SYT9: variants seen among roughly 807,000 people sequenced by gnomAD.
The protein encoded by SYT9 is synaptotagmin-9.
Under a neutral mutation model 48.4 loss-of-function variants are expected in SYT9, and 22 were observed. The ratio of observed to expected loss-of-function variants is 0.45; its 90% CI spans 0.32 to 0.65. The LOEUF is 0.65. SYT9 is among the 30% of genes least tolerant of loss of function. The probability of loss-of-function intolerance (pLI) is 0.03; values close to 1 mark genes in which losing one functional copy is unlikely to be tolerated. For synonymous variants in SYT9, 265 were observed against 245.0 expected, an observed-to-expected ratio of 1.08 and a Z score of -0.76; for missense variants, 577 against 622.0, an observed-to-expected ratio of 0.93 and a Z score of 0.77.
At position 7,467,003 on chromosome 11, in the gene SYT9, G is replaced by A. The variant is rs1848350114; in HGVS notation, c.*203G>A. 3 of 605,666 alleles carry A rather than the reference G, an allele frequency of 5.0e-6. No individual in the cohort carries two copies. The South Asian group carries it at 6.8e-5, about 14-fold the overall frequency. The allele number at this position is 605,666 out of a possible 1,614,324, so 37.5% of individuals were successfully genotyped here. On this transcript the variant is annotated 3_prime_UTR_variant, in exon 7 of 7. Coordinates refer to ENST00000318881, the MANE Select transcript of SYT9 (RefSeq NM_175733.4). Reference sequence around the variant, plus strand: ...CAGCCACCTTCTGCAGGTGGCCCAAGGTGATGTGCTGCAGGGAAGCATGTC... The same window carrying A: ...CAGCCACCTTCTGCAGGTGGCCCAAAGTGATGTGCTGCAGGGAAGCATGTC...
chr11:7,421,150 A>G (rs906626130), intron 6 of SYT9, among the ~76,000 whole-genome samples: 2 of 152,178 alleles, frequency 1.3e-5, no homozygotes, highest in African/African-American at 4.8e-5. Context: ...TCTCTCTCTT[A>G]TATACAAAAA....
chr11:7,240,170 C>T (rs1044750740), intron 1 of SYT9, among the ~76,000 whole-genome samples: 6 of 152,134 alleles, frequency 3.9e-5, no homozygotes, highest in Non-Finnish European at 5.9e-5. Flanking sequence ...AACCAAGGCA[C>T]ATCTCAGAGG....
At chr11:7,387,308 T>TA (rs747619250) in intron 3 of SYT9, among the ~76,000 whole-genome samples, 46 of 149,928 alleles carry the variant, frequency 3.1e-4, no homozygotes, top group Admixed American at 4.0e-4. Context: ...TAAAGTATAA[T>TA]AAAAAAAAAG....
intron 6 of SYT9, among the ~76,000 whole-genome samples, chr11:7,460,975 G>T (rs576599217): frequency 1.3e-5 from 2 of 152,228 alleles, no homozygotes; most frequent in Non-Finnish European, 2.9e-5. Context: ...ACAGACATGG[G>T]ATGGGGCATT....
At chr11:7,288,707 G>A (rs1848644354) in intron 1 of SYT9, among the ~76,000 whole-genome samples, 2 of 151,582 alleles carry the variant, frequency 1.3e-5, no homozygotes, top group Admixed American at 6.6e-5. Flanking sequence ...TACTATTTCT[G>A]TCTCCTGATG....
intron 6 of SYT9, chr11:7,427,937 A>T (rs530195630): frequency 1.3e-5 from 2 of 152,328 alleles, no homozygotes; most frequent in South Asian, 4.1e-4. Flanking sequence ...AGGCACTGTT[A>T]GTATTAGTGG....
chr11:7,294,896 A>G (rs1848767504), intron 1 of SYT9, among the ~76,000 whole-genome samples: 1 of 152,226 alleles, frequency 6.6e-6, no homozygotes, highest in Admixed American at 6.5e-5. Context: ...TAAATAGTGA[A>G]TGTTCTCAGC....
chr11:7,332,254 C>T (rs1436364306), intron 3 of SYT9, among the ~76,000 whole-genome samples: 4 of 152,162 alleles, frequency 2.6e-5, no homozygotes, highest in South Asian at 2.1e-4. Flanking sequence ...ACGAGGGGGC[C>T]GCCGTTTTAC....
intron 6 of SYT9, among the ~76,000 whole-genome samples, chr11:7,442,099 C>T (rs1847839060): frequency 6.6e-6 from 1 of 152,048 alleles, no homozygotes; most frequent in Non-Finnish European, 1.5e-5. Context: ...GCTTGCCAGA[C>T]CAGCAGCGCC....
At chr11:7,401,129 G>A (rs1589999515) in intron 3 of SYT9, among the ~76,000 whole-genome samples, 1 of 151,962 alleles carries the variant, frequency 6.6e-6, no homozygotes, top group African/African-American at 2.4e-5. Context: ...AATATCTGAG[G>A]TAATGACATC....
intron 5 of SYT9, among the ~76,000 whole-genome samples, chr11:7,418,871 C>G (rs977562744): frequency 1.3e-5 from 2 of 152,188 alleles, no homozygotes; most frequent in African/African-American, 4.8e-5. Flanking sequence ...TGCAAAGTCT[C>G]TCTTTAATTG....
chr11:7,269,100 G>A (rs1323529930), intron 1 of SYT9, among the ~76,000 whole-genome samples: 3 of 151,940 alleles, frequency 2.0e-5, no homozygotes, highest in South Asian at 2.1e-4. Context: ...TTAGATGGAT[G>A]TATTTCATTT....
At chr11:7,435,603 T>C (rs1044219725) in intron 6 of SYT9, 5 of 152,234 alleles carry the variant, frequency 3.3e-5, no homozygotes, top group Non-Finnish European at 7.3e-5. Context: ...CCCTGTGCTA[T>C]AGCTGAGGTG....
chr11:7,334,843 A>G (rs1243645018), intron 3 of SYT9, among the ~76,000 whole-genome samples: 1 of 152,218 alleles, frequency 6.6e-6, no homozygotes, highest in Non-Finnish European at 1.5e-5. Context: ...GTACTATTCC[A>G]TTGCATAGAT....
At chr11:7,456,129 G>C (rs1383457453) in intron 6 of SYT9, among the ~76,000 whole-genome samples, 1 of 152,180 alleles carries the variant, frequency 6.6e-6, no homozygotes, top group East Asian at 1.9e-4. Context: ...TAGTTAGTTG[G>C]ATACATCTGT....
intron 3 of SYT9, among the ~76,000 whole-genome samples, chr11:7,330,772 C>T (rs1849513512): frequency 6.6e-6 from 1 of 152,156 alleles, no homozygotes; most frequent in Non-Finnish European, 1.5e-5. Flanking sequence ...TCTTGGCTCA[C>T]TGCAACCTTT....
chr11:7,301,220 A>G lies in SYT9; in HGVS notation c.146-1819A>G, dbSNP rs1366718320. Among the ~76,000 whole-genome samples, 6 of 152,228 alleles carry G rather than the reference A, an allele frequency of 3.9e-5. No individual in the cohort carries two copies. In the East Asian group the frequency reaches 9.6e-4, roughly 24 times the overall value. ...CCCATATTGAAACTTCAACCCCAGT[A>G]TTTTCAAACAGAGATATAATATTGT... On this transcript the variant is annotated intron_variant, in intron 1 of 6. Transcript: ENST00000318881.
intron 3 of SYT9, among the ~76,000 whole-genome samples, chr11:7,411,908 T>A (rs907332970): frequency 1.5e-4 from 23 of 152,192 alleles, no homozygotes; most frequent in African/African-American, 5.3e-4. Context: ...TTATTCTTTT[T>A]ATTTATTTTT....
chr11:7,454,464 C>T (rs1002468829), intron 6 of SYT9, among the ~76,000 whole-genome samples: 1 of 152,164 alleles, frequency 6.6e-6, no homozygotes, highest in Non-Finnish European at 1.5e-5. Context: ...TCCCCATTCC[C>T]CCAAAGCATG....
Sources: gnomAD v4.1 joint callset for allele counts (sites outside exome capture counted in the v4.1 genomes callset) on GRCh38, gnomAD v4.1.1 for gene constraint, MANE v1.5 for transcripts, NCBI Gene and HGNC (gene_info 2026-07-23, HGNC 2026-07-21) for gene names.